The following SDK1 variants were observed in gnomAD, a reference collection of about 807,000 sequenced individuals.
SDK1 encodes the protein sidekick cell adhesion molecule 1.
SDK1 carries 157 observed loss-of-function variants against 245.5 expected under a neutral mutation model. That is an observed-to-expected ratio of 0.64 (90% CI 0.56 to 0.73). SDK1 has a LOEUF of 0.73. Among genes scored for constraint, SDK1 ranks in the 30% least tolerant of loss-of-function variants. The probability of loss-of-function intolerance (pLI) is 0.00; values close to 1 mark genes in which losing one functional copy is unlikely to be tolerated. For synonymous variants in SDK1, 1,647 were observed against 1,278.5 expected (o/e 1.29, Z -6.15); for missense variants, 3,583 against 3,002.3 (o/e 1.19, Z -4.52).
intron 1 of SDK1, among the ~76,000 whole-genome samples, chr7:3,359,119 G>A (rs542550546): frequency 3.3e-4 from 50 of 152,258 alleles, no homozygotes; most frequent in African/African-American, 1.1e-3. Flanking sequence ...ATGTGATCAC[G>A]CAGGTCAATT....
chr7:3,568,246 T>G (rs967980680), intron 1 of SDK1, among the ~76,000 whole-genome samples: 3 of 152,228 alleles, frequency 2.0e-5, no homozygotes, highest in Non-Finnish European at 2.9e-5. Flanking sequence ...ATTTAATAAA[T>G]GCATAACTTC....
intron 1 of SDK1, among the ~76,000 whole-genome samples, chr7:3,608,552 C>T (rs1488679584): frequency 6.6e-6 from 1 of 152,166 alleles, no homozygotes; most frequent in East Asian, 1.9e-4. Flanking sequence ...TGAATATGCC[C>T]ACCATGAGCT....
intron 33 of SDK1, among the ~76,000 whole-genome samples, chr7:4,175,134 C>A (rs1782114789): frequency 6.6e-6 from 1 of 152,242 alleles, no homozygotes; most frequent in African/African-American, 2.4e-5. Flanking sequence ...GCGCGGACGG[C>A]AGCAGCTCCT....
intron 5 of SDK1, among the ~76,000 whole-genome samples, chr7:3,948,188 G>A (rs1780654025): frequency 6.8e-6 from 1 of 147,952 alleles, no homozygotes; most frequent in South Asian, 2.1e-4. Context: ...CCTTGACCTT[G>A]TTGTGGTGGT....
At chr7:3,744,316 T>A (rs1457671275) in intron 4 of SDK1, among the ~76,000 whole-genome samples, 1 of 152,128 alleles carries the variant, frequency 6.6e-6, no homozygotes, top group Admixed American at 6.6e-5. Flanking sequence ...TACCTTTCTT[T>A]CCATATATAC....
At chr7:3,440,791 C>T (rs759790283) in intron 1 of SDK1, among the ~76,000 whole-genome samples, 15 of 152,150 alleles carry the variant, frequency 9.9e-5, no homozygotes, top group Non-Finnish European at 1.8e-4. Flanking sequence ...TGTTGCACCT[C>T]AAACTGCAAA....
At chr7:4,171,193 C>G (rs2128216371) in intron 32 of SDK1, among the ~76,000 whole-genome samples, 1 of 152,318 alleles carries the variant, frequency 6.6e-6, no homozygotes, top group South Asian at 2.1e-4. Flanking sequence ...TGGCCACGTG[C>G]CCCAGGGACC....
chr7:3,714,579 T>C (rs922768132), intron 4 of SDK1, among the ~76,000 whole-genome samples: 1 of 152,242 alleles, frequency 6.6e-6, no homozygotes, highest in Non-Finnish European at 1.5e-5. Context: ...CATTACTACA[T>C]TGTAACACAG....
chr7:4,176,229 C>T (rs1194664706), intron 34 of SDK1, among the ~76,000 whole-genome samples: 1 of 151,088 alleles, frequency 6.6e-6, no homozygotes, highest in Non-Finnish European at 1.5e-5. Context: ...GTGGCACGAT[C>T]ACAGCTCACT....
intron 4 of SDK1, among the ~76,000 whole-genome samples, chr7:3,723,961 GAGAGAGAGAGAGAGAGAA>G (rs1204913765): frequency 6.8e-4 from 102 of 149,692 alleles, no homozygotes; most frequent in Non-Finnish European, 1.1e-3. Context: ...GAGAGAGAGA[GAGAGAGAGAGAGAGAGAA>G]AGAGAGAGAG....
At chr7:4,101,446 G>A (rs6958701) in intron 22 of SDK1, among the ~76,000 whole-genome samples, 16,595 of 152,082 alleles carry the variant, frequency 0.11, 945 homozygotes, top group South Asian at 0.16. Context: ...CGCACCCGGC[G>A]GAAAAATTTG....
At chr7:4,191,652 G>A (rs919575577) in intron 35 of SDK1, among the ~76,000 whole-genome samples, 27 of 152,234 alleles carry the variant, frequency 1.8e-4, no homozygotes, top group East Asian at 1.9e-4. Flanking sequence ...CAGCTGCTCC[G>A]CCAGGGAGAG....
At chr7:3,602,435 G>A (rs1021273587) in intron 1 of SDK1, among the ~76,000 whole-genome samples, 1 of 145,180 alleles carries the variant, frequency 6.9e-6, no homozygotes, top group South Asian at 2.3e-4. Context: ...CCAGTGATGA[G>A]GAGCATTTTT....
At chr7:3,985,117 C>T (rs1045384767) in intron 13 of SDK1, among the ~76,000 whole-genome samples, 1 of 152,138 alleles carries the variant, frequency 6.6e-6, no homozygotes, top group Non-Finnish European at 1.5e-5. Flanking sequence ...GCCTTCCCAG[C>T]ATGGCCAGAC....
intron 17 of SDK1, among the ~76,000 whole-genome samples, chr7:4,045,355 A>G (rs1788944208): frequency 6.6e-6 from 1 of 151,854 alleles, no homozygotes; most frequent in African/African-American, 2.4e-5. Flanking sequence ...TGATCCCCCC[A>G]TCTCAGCCTC....
At chr7:4,018,179 C>A (rs554385447) in intron 17 of SDK1, among the ~76,000 whole-genome samples, 1 of 152,306 alleles carries the variant, frequency 6.6e-6, no homozygotes, top group African/African-American at 2.4e-5. Flanking sequence ...TTTCACTCTG[C>A]GATTTATGCC....
intron 5 of SDK1, among the ~76,000 whole-genome samples, chr7:3,888,990 A>G (rs547363423): frequency 1.4e-4 from 21 of 152,272 alleles, no homozygotes; most frequent in African/African-American, 4.8e-4. Context: ...TTTTGTTGCT[A>G]TTGAGTTTTT....
intron 5 of SDK1, among the ~76,000 whole-genome samples, chr7:3,852,503 T>C (rs968748007): frequency 3.4e-4 from 51 of 151,756 alleles, no homozygotes; most frequent in African/African-American, 1.2e-3. Context: ...ATCCCAGCAC[T>C]TTGGGAGGCC....
At chr7:4,249,210 G>C (rs757360598) in intron 44 of SDK1, among the ~76,000 whole-genome samples, 1 of 152,198 alleles carries the variant, frequency 6.6e-6, no homozygotes, top group Non-Finnish European at 1.5e-5. Flanking sequence ...TTATGTAACA[G>C]GCAGAAAGCC....
Sources: allele counts gnomAD v4.1 joint callset (sites outside exome capture counted in the v4.1 genomes callset), GRCh38; gene constraint gnomAD v4.1.1; transcripts MANE v1.5; gene names NCBI Gene and HGNC (gene_info 2026-07-23, HGNC 2026-07-21).